DAP: variants seen among roughly 807,000 people sequenced by gnomAD.
DAP encodes death-associated protein 1.
In DAP, 8 loss-of-function variants were observed where a neutral mutation model predicts 13.8. That is an observed-to-expected ratio of 0.58 (90% CI 0.34 to 1.05). The LOEUF is 1.05. Among genes scored for constraint, DAP ranks in the 50% least tolerant of loss-of-function variants. The pLI, the probability that DAP is intolerant of heterozygous loss-of-function variation, is 0.03. For synonymous variants in DAP, 47 were observed against 47.5 expected, an observed-to-expected ratio of 0.99 and a Z score of 0.04; for missense variants, 106 against 133.2, an observed-to-expected ratio of 0.80 and a Z score of 1.01.
At chr5:10,759,604 T>C (rs1348146226) in intron 1 of DAP, among the ~76,000 whole-genome samples, 3 of 152,218 alleles carry the variant, frequency 2.0e-5, no homozygotes, top group African/African-American at 7.2e-5. Context: ...GTTAGTTTTG[T>C]TGTAGAGAGC....
intron 3 of DAP, 156 bp downstream of exon 3, chr5:10,683,373 G>T (rs1335124444): frequency 2.5e-6 from 2 of 814,772 alleles, no homozygotes; most frequent in Non-Finnish European, 4.2e-6. Flanking sequence ...AGCAGCCTCT[G>T]GGGAAACGCG....
At chr5:10,684,367 A>G (rs1009554814) in intron 2 of DAP, among the ~76,000 whole-genome samples, 2 of 152,178 alleles carry the variant, frequency 1.3e-5, no homozygotes, top group Non-Finnish European at 2.9e-5. Context: ...CATTACAAAT[A>G]TAAGGTCCTT....
At chr5:10,683,340 G>A (rs1178637683) in intron 3 of DAP, 189 bp downstream of exon 3, 13 of 696,332 alleles carry the variant, frequency 1.9e-5, no homozygotes, top group Non-Finnish European at 2.6e-5. Context: ...TAAAGGATGC[G>A]AGTCTGGCCT....
rs35309839 is a variant in DAP at position 10,739,787 on chromosome 5, T to TCACACACACACA, written c.152+8376_152+8387dup. 2.6e-3 allele frequency among the ~76,000 whole-genome samples: 387 copies of TCACACACACACA among 148,604 alleles called. 4 individuals carry two copies. Among genetic ancestry groups the TCACACACACACA allele is most frequent in the African/African-American group, 9.0e-3 (363 of 40,434 alleles). ...GTTCAACTATAAATACTAAATTAAC[T>TCACACACACACA]CACACACACACACACACACACACAC... is the stretch of plus-strand genomic sequence containing the variant. On this transcript the variant is annotated intron_variant, in intron 2 of 3. Transcript: ENST00000230895.
chr5:10,682,260 C>G (rs1738036992), intron 3 of DAP, among the ~76,000 whole-genome samples: 1 of 151,004 alleles, frequency 6.6e-6, no homozygotes, highest in South Asian at 2.1e-4. Flanking sequence ...CAACCAGCCT[C>G]CCTGCAGGAA....
intron 1 of DAP, among the ~76,000 whole-genome samples, chr5:10,751,204 T>C (rs1020584358): frequency 1.3e-5 from 2 of 152,188 alleles, no homozygotes; most frequent in African/African-American, 4.8e-5. Flanking sequence ...AGTTCCTTCT[T>C]CGTTTTGGGT....
Position 10,707,837 on chromosome 5 carries a change from C to G in DAP, c.153-24266G>C, listed in dbSNP as rs894314480. 1.3e-5 allele frequency among the ~76,000 whole-genome samples: 2 copies of G among 152,192 alleles called. No homozygotes were observed. Among genetic ancestry groups the G allele is most frequent in the Non-Finnish European group, 2.9e-5 (2 of 68,032 alleles). On this transcript the variant is annotated intron_variant, in intron 2 of 3. Coordinates refer to ENST00000230895, the MANE Select transcript of DAP (RefSeq NM_004394.3). This position sits in a 1 kb window ranked among gnomAD's most constrained non-coding sequence, Gnocchi z 4.0. ...TGGCACTGGATGAGTACTGGCTCTG[C>G]TCATCATCCAGTTCTCTTTTAGATT...
chr5:10,745,446 G>C (rs1739875429), intron 2 of DAP, among the ~76,000 whole-genome samples: 1 of 152,156 alleles, frequency 6.6e-6, no homozygotes, highest in Non-Finnish European at 1.5e-5. Flanking sequence ...CCTGCAGTCG[G>C]CCTGCTTCAA....
chr5:10,752,768 T>C (rs868013207), intron 1 of DAP, among the ~76,000 whole-genome samples: 44 of 152,182 alleles, frequency 2.9e-4, no homozygotes, highest in African/African-American at 1.0e-3. Flanking sequence ...CTGCCACCTA[T>C]GAAGAAAGAG....
At chr5:10,721,797 T>C (rs1397077661) in intron 2 of DAP, among the ~76,000 whole-genome samples, 2 of 152,254 alleles carry the variant, frequency 1.3e-5, no homozygotes, top group African/African-American at 4.8e-5. Flanking sequence ...AAATGGGGAC[T>C]GTAATTGTCA....
chr5:10,685,050 G>C (rs145358327), intron 2 of DAP, among the ~76,000 whole-genome samples: 11 of 152,358 alleles, frequency 7.2e-5, no homozygotes, highest in African/African-American at 2.6e-4. Flanking sequence ...GAATCCACTT[G>C]TCTTAGCTTT....
At position 10,757,335 on chromosome 5, in the gene DAP, T is replaced by C. The variant is rs189603167; in HGVS notation, c.55+3679A>G. On this transcript the variant is annotated intron_variant, in intron 1 of 3. Coordinates refer to ENST00000230895, the MANE Select transcript of DAP (RefSeq NM_004394.3). Reference sequence around the variant, plus strand: ...TCTTGCCCAGGCTGGAGTCCAGTGGTGTGATCCTGGCTCACCACAACCTCT... The same window carrying C: ...TCTTGCCCAGGCTGGAGTCCAGTGGCGTGATCCTGGCTCACCACAACCTCT... Among the ~76,000 whole-genome samples, 824 of 152,070 alleles carry C rather than the reference T, an allele frequency of 5.4e-3. 7 individuals carry two copies. The highest frequency in any genetic ancestry group is 0.018 in the African/African-American group (762 of 41,484).
At chr5:10,751,603 T>C (rs536816683) in intron 1 of DAP, among the ~76,000 whole-genome samples, 19 of 152,360 alleles carry the variant, frequency 1.2e-4, no homozygotes, top group African/African-American at 4.3e-4. Flanking sequence ...CCAAAATTCA[T>C]AGGTTGAAGT....
At chr5:10,681,418 C>T (rs1271992940) in intron 3 of DAP, among the ~76,000 whole-genome samples, 1 of 151,754 alleles carries the variant, frequency 6.6e-6, no homozygotes, top group Non-Finnish European at 1.5e-5. Flanking sequence ...AGCCCCAGGC[C>T]AGCGCCCACC....
chr5:10,727,560 G>T (rs768977365), intron 2 of DAP, among the ~76,000 whole-genome samples: 2 of 152,314 alleles, frequency 1.3e-5, no homozygotes, highest in East Asian at 3.9e-4. Flanking sequence ...AGATGGGGGG[G>T]ACTGGGGAGA....
intron 2 of DAP, among the ~76,000 whole-genome samples, chr5:10,709,372 CA>C (rs1394539371): frequency 6.6e-6 from 1 of 152,216 alleles, no homozygotes; most frequent in Non-Finnish European, 1.5e-5. Flanking sequence ...GTGACTACTG[CA>C]TGGTGTGGTG....
At chr5:10,700,261 G>T (rs769904953) in intron 2 of DAP, among the ~76,000 whole-genome samples, 5 of 152,306 alleles carry the variant, frequency 3.3e-5, no homozygotes, top group Non-Finnish European at 4.4e-5. Flanking sequence ...GGGCAGATAA[G>T]TCCACCCACC....
intron 2 of DAP, among the ~76,000 whole-genome samples, chr5:10,722,529 TGC>T (rs1739170851): frequency 6.7e-6 from 1 of 149,708 alleles, no homozygotes; most frequent in Non-Finnish European, 1.5e-5. Flanking sequence ...TACATATACA[TGC>T]ATATATATAC....
intron 2 of DAP, among the ~76,000 whole-genome samples, chr5:10,742,227 C>T (rs1215389139): frequency 3.3e-5 from 5 of 152,068 alleles, no homozygotes; most frequent in South Asian, 2.1e-4. Context: ...TTTATTTTAC[C>T]GTATGGGTTA....
Sources: allele counts gnomAD v4.1 joint callset (sites outside exome capture counted in the v4.1 genomes callset), GRCh38; gene constraint gnomAD v4.1.1; non-coding constraint Gnocchi (gnomAD v3.1); transcripts MANE v1.5; gene names NCBI Gene and HGNC (gene_info 2026-07-23, HGNC 2026-07-21).